NRXN2: variants seen among roughly 807,000 people sequenced by gnomAD.
The protein encoded by NRXN2 is neurexin-2-beta.
A neutral mutation model predicts 128.8 loss-of-function variants in NRXN2; 29 were observed. The observed-to-expected ratio is 0.23, with a 90% CI of 0.17 to 0.31. The LOEUF (loss-of-function observed/expected upper bound fraction) is 0.31. NRXN2 is among the 10% of genes least tolerant of loss of function. The probability of loss-of-function intolerance (pLI) is 1.00; values close to 1 mark genes in which losing one functional copy is unlikely to be tolerated. For synonymous variants in NRXN2, 1,098 were observed against 1,075.2 expected (o/e 1.02, Z -0.41); for missense variants, 1,881 against 2,452.6 (o/e 0.77, Z 4.92).
intron 2 of NRXN2, among the ~76,000 whole-genome samples, chr11:64,701,806 C>T (rs1030588731): frequency 1.3e-5 from 2 of 152,048 alleles, no homozygotes; most frequent in African/African-American, 2.4e-5. Flanking sequence ...CGGCCAGCCG[C>T]CCCGTCCGGC....
intron 21 of NRXN2, 119 bp from the exon 22 acceptor site, chr11:64,620,491 C>A: frequency 1.3e-6 from 1 of 786,048 alleles, no homozygotes; most frequent in Non-Finnish European, 2.2e-6. Flanking sequence ...ACGGACCAGA[C>A]TGGTCTGAGT....
At chr11:64,684,199 C>T (rs533270926) in intron 6 of NRXN2, among the ~76,000 whole-genome samples, 1 of 152,210 alleles carries the variant, frequency 6.6e-6, no homozygotes, top group Admixed American at 6.5e-5. Context: ...CAGGTGACAG[C>T]GCTGGTCCTA....
At position 64,651,214 on chromosome 11, in the gene NRXN2, G is replaced by A. The variant is rs774097634; in HGVS notation, c.2918+41C>T. On this transcript the variant is annotated intron_variant, in intron 14 of 22. Transcript: ENST00000265459. The surrounding 1 kb of genome is among the most constrained non-coding windows in gnomAD (Gnocchi z 5.9). ...CTGTATGTGGTTCAGCAGGGGGAGG[G>A]GGCCACCTCCTTGACAGCAGTGCAA... The A allele has an allele frequency of 6.2e-7, 1 of 1,612,378 alleles. No individual in the cohort carries two copies. Among genetic ancestry groups the A allele is most frequent in the Non-Finnish European group, 8.5e-7 (1 of 1,179,768 alleles).
At chr11:64,670,303 T>C (rs553098928) in intron 7 of NRXN2, among the ~76,000 whole-genome samples, 1 of 152,232 alleles carries the variant, frequency 6.6e-6, no homozygotes, top group South Asian at 2.1e-4. Flanking sequence ...ATCGTTTATT[T>C]CTTCTTCCCT....
At chr11:64,613,468 G>A (rs964757057) in intron 22 of NRXN2, among the ~76,000 whole-genome samples, 2 of 152,254 alleles carry the variant, frequency 1.3e-5, no homozygotes, top group African/African-American at 4.8e-5. Context: ...TCCCCTGTGA[G>A]TAGGCCTGGT....
intron 19 of NRXN2, among the ~76,000 whole-genome samples, chr11:64,629,706 G>A (rs1475653127): frequency 6.6e-6 from 1 of 152,136 alleles, no homozygotes; most frequent in Non-Finnish European, 1.5e-5. Flanking sequence ...GAGTGCCCCG[G>A]ACCTAGCACA....
At position 64,648,843 on chromosome 11, in the gene NRXN2, G is replaced by A. The variant is rs775872434; in HGVS notation, c.3174C>T (p.Ser1058=). ...CCAGGCAGCCCTGAAAGCCATCCCGGGAGGCCACCAGCTTGGGCAGGTTGC... is the reference window on the plus strand; with the variant it reads ...CCAGGCAGCCCTGAAAGCCATCCCGAGAGGCCACCAGCTTGGGCAGGTTGC... The part of the protein sequence containing the change: ...MFSNLPKLVA[S]RDGFQGCLAS... The change falls in exon 16 of 23, where the codon TCC becomes TCT. Residue 1058 remains serine, a synonymous_variant. Transcript: ENST00000265459. This position sits in a 1 kb window ranked among gnomAD's most constrained non-coding sequence, Gnocchi z 4.1. 1.9e-6 allele frequency: 3 copies of A among 1,614,212 alleles called. No individual in the cohort carries two copies. Among genetic ancestry groups the A allele is most frequent in the Admixed American group, 1.7e-5 (1 of 60,020 alleles).
intron 9 of NRXN2, among the ~76,000 whole-genome samples, chr11:64,665,243 T>G (rs2135502441): frequency 6.6e-6 from 1 of 150,390 alleles, no homozygotes; most frequent in South Asian, 2.1e-4. Context: ...ATCGCGCCAC[T>G]GCACTCCAGC....
chr11:64,685,988 G>T (rs751648344), intron 5 of NRXN2, 41 bp from the exon 6 acceptor site: 5 of 1,610,356 alleles, frequency 3.1e-6, no homozygotes, highest in Non-Finnish European at 4.2e-6. Flanking sequence ...AGGCTGAATG[G>T]GGCAGGGTAC....
At chr11:64,634,023 C>T (rs927038640) in intron 18 of NRXN2, among the ~76,000 whole-genome samples, 2 of 152,144 alleles carry the variant, frequency 1.3e-5, no homozygotes, top group African/African-American at 2.4e-5. Flanking sequence ...ACCTGGGATG[C>T]TTAAAAGCTA....
intron 22 of NRXN2, among the ~76,000 whole-genome samples, chr11:64,608,887 T>TA (rs1317402210): frequency 1.3e-5 from 2 of 152,078 alleles, no homozygotes; most frequent in East Asian, 3.9e-4. Flanking sequence ...CAGGAGGGCT[T>TA]AGAGAGTAGG....
chr11:64,607,657 G>C lies in NRXN2; in HGVS notation c.4678C>G (p.Leu1560Val). 2 of 1,528,956 alleles carry C rather than the reference G, an allele frequency of 1.3e-6. No individual in the cohort carries two copies. Among genetic ancestry groups the C allele is most frequent in the Non-Finnish European group, 1.8e-6 (2 of 1,135,790 alleles). 94.7% of individuals were successfully genotyped at this position (1,528,956 alleles called of 1,614,324 possible). The change falls in exon 23 of 23, where the codon CTG becomes GTG. Residue 1560 changes from leucine (L) to valine (V), a missense_variant. Physicochemically the swap from Leu to Val is conservative, Grantham distance 32. Coordinates refer to ENST00000265459, the MANE Select transcript of NRXN2 (RefSeq NM_015080.4). ...LFAPSAPAPN[L>V]PAGKMNHRDP... Reference sequence around the variant, plus strand: ...CGGTGGTTCATTTTGCCCGCCGGCAGGTTGGGGGCCGGGGCGGAGGGGGCA... The same window carrying C: ...CGGTGGTTCATTTTGCCCGCCGGCACGTTGGGGGCCGGGGCGGAGGGGGCA...
At chr11:64,721,184 C>T (rs930706442) in intron 1 of NRXN2, among the ~76,000 whole-genome samples, 2 of 151,330 alleles carry the variant, frequency 1.3e-5, no homozygotes, top group Non-Finnish European at 2.9e-5. Context: ...TGCCACCGAG[C>T]GCGTGTATCA....
chr11:64,616,211 G>A (rs2041496211), intron 22 of NRXN2, among the ~76,000 whole-genome samples: 1 of 152,192 alleles, frequency 6.6e-6, no homozygotes, highest in East Asian at 1.9e-4. Context: ...ATGTGGGCAT[G>A]CCTCTGGGGG....
Position 64,606,938 on chromosome 11 carries a change from T to G in NRXN2, c.*258A>C. On this transcript the variant is annotated 3_prime_UTR_variant, in exon 23 of 23. Transcript: ENST00000265459. ...AAAAAAATAAATCAACCCAGGGCTG[T>G]GAGCACGTGCCCTGCCTGGCAGGCG... 1.9e-6 allele frequency: 1 copy of G among 534,598 alleles called. No individual in the cohort carries two copies. The highest frequency in any genetic ancestry group is 3.1e-5 in the East Asian group (1 of 32,414). The allele number at this position is 534,598 out of a possible 1,614,324, so 33.1% of individuals were successfully genotyped here.
intron 6 of NRXN2, among the ~76,000 whole-genome samples, chr11:64,679,870 C>T (rs1414800624): frequency 6.6e-6 from 1 of 152,126 alleles, no homozygotes; most frequent in Non-Finnish European, 1.5e-5. Context: ...GGAACCCATT[C>T]CTGGTGGCCT....
chr11:64,643,356 CGGGGGA>C, intron 17 of NRXN2: 1 of 13,546 alleles, frequency 7.4e-5, no homozygotes, highest in Non-Finnish European at 9.3e-5. Flanking sequence ...AGGGAGCGGC[CGGGGGA>C]GGGGGGGGCG....
At chr11:64,647,646 A>C (rs552656417) in intron 17 of NRXN2, among the ~76,000 whole-genome samples, 1 of 152,308 alleles carries the variant, frequency 6.6e-6, no homozygotes, top group East Asian at 1.9e-4. Context: ...AGCCGGGATT[A>C]TTGGGGAAGA....
intron 5 of NRXN2, chr11:64,688,851 G>A (rs1024262901): frequency 6.1e-6 from 6 of 978,862 alleles, no homozygotes; most frequent in Non-Finnish European, 7.3e-6. Flanking sequence ...CCTCTGGGAA[G>A]GTCTCCAGCG....
Sources: gnomAD v4.1 joint callset for allele counts (sites outside exome capture counted in the v4.1 genomes callset) on GRCh38, gnomAD v4.1.1 for gene constraint, Gnocchi (gnomAD v3.1) non-coding constraint, MANE v1.5 for transcripts, NCBI Gene and HGNC (gene_info 2026-07-23, HGNC 2026-07-21) for gene names.